NALCN: variants seen among roughly 807,000 people sequenced by gnomAD.
NALCN encodes the protein sodium leak channel NALCN.
In NALCN, 111 loss-of-function variants were observed where a neutral mutation model predicts 225.3. The observed-to-expected ratio is 0.49, with a 90% CI of 0.42 to 0.58. NALCN has a LOEUF of 0.58. Among genes scored for constraint, NALCN ranks in the 20% least tolerant of loss-of-function variants. The pLI, the probability that NALCN is intolerant of heterozygous loss-of-function variation, is 0.00. For synonymous variants in NALCN, 764 were observed against 769.0 expected, an observed-to-expected ratio of 0.99 and a Z score of 0.11; for missense variants, 1,378 against 2,202.4, an observed-to-expected ratio of 0.63 and a Z score of 7.49.
intron 30 of NALCN, among the ~76,000 whole-genome samples, chr13:101,088,982 C>G (rs2034074567): frequency 6.6e-6 from 1 of 150,968 alleles, no homozygotes; most frequent in South Asian, 2.1e-4. Context: ...ACTGCAACCT[C>G]TGCCTTCTAG....
intron 7 of NALCN, among the ~76,000 whole-genome samples, chr13:101,311,484 T>C (rs2139145760): frequency 6.7e-6 from 1 of 149,596 alleles, no homozygotes; most frequent in East Asian, 1.9e-4. Flanking sequence ...CAGTATGATA[T>C]TGGCTGTGGG....
chr13:101,255,799 AC>A (rs2042211326), intron 11 of NALCN, among the ~76,000 whole-genome samples: 2 of 152,108 alleles, frequency 1.3e-5, no homozygotes, highest in Admixed American at 1.3e-4. Flanking sequence ...TACATGAGTT[AC>A]CCCTGCAGCC....
rs768997103 is a variant in NALCN, at chr13:101,163,956, AC to A, written c.1839+12343del. Among the ~76,000 whole-genome samples, 17 of 152,228 alleles carry A rather than the reference AC, an allele frequency of 1.1e-4. No individual in the cohort carries two copies. In the South Asian group the frequency reaches 2.5e-3, roughly 22 times the overall value. ...CAATCCTGGGTGTTCCTTGTGGACC[AC>A]ATCACTCTGGTCTGTGGCTTCATCA... On this transcript the variant is annotated intron_variant, in intron 15 of 43. Transcript: ENST00000251127.
chr13:101,262,430 A>C (rs2042458746), intron 10 of NALCN, among the ~76,000 whole-genome samples: 1 of 152,148 alleles, frequency 6.6e-6, no homozygotes, highest in Non-Finnish European at 1.5e-5. Context: ...GAAAGAGGAG[A>C]GAGAAGCAGA....
chr13:101,407,753 G>C (rs937412786), intron 1 of NALCN, among the ~76,000 whole-genome samples: 21 of 152,300 alleles, frequency 1.4e-4, no homozygotes, highest in African/African-American at 4.6e-4. Context: ...GAGAGAAATG[G>C]TGAAGCATTT....
intron 13 of NALCN, among the ~76,000 whole-genome samples, chr13:101,210,038 A>C (rs1262850705): frequency 6.6e-6 from 1 of 152,220 alleles, no homozygotes; most frequent in Non-Finnish European, 1.5e-5. Context: ...GCAATACTGC[A>C]GACCTCCATC....
At chr13:101,086,195 C>T (rs1254907386) in intron 30 of NALCN, among the ~76,000 whole-genome samples, 1 of 151,730 alleles carries the variant, frequency 6.6e-6, no homozygotes, top group East Asian at 1.9e-4. Flanking sequence ...TAATTTGTGT[C>T]CTAATCTTTG....
At chr13:101,144,985 T>G in intron 15 of NALCN, 89 bp from the exon 16 acceptor site, 1 of 1,389,118 alleles carries the variant, frequency 7.2e-7, no homozygotes, top group South Asian at 1.7e-5. Context: ...ATGGAAGCAA[T>G]AAGTAATTAC....
intron 17 of NALCN, among the ~76,000 whole-genome samples, chr13:101,142,251 C>T (rs2037122679): frequency 6.9e-6 from 1 of 145,706 alleles, no homozygotes; most frequent in Non-Finnish European, 1.5e-5. Context: ...GAGTGATTCT[C>T]CTGCCTCAGC....
intron 14 of NALCN, among the ~76,000 whole-genome samples, chr13:101,184,455 A>G (rs1349529765): frequency 6.6e-6 from 1 of 152,124 alleles, no homozygotes; most frequent in Non-Finnish European, 1.5e-5. Flanking sequence ...AACAGCCCAG[A>G]TTCACCTCAG....
intron 25 of NALCN, among the ~76,000 whole-genome samples, chr13:101,103,590 G>A (rs751988135): frequency 1.2e-4 from 18 of 151,992 alleles, no homozygotes; most frequent in Non-Finnish European, 1.8e-4. Context: ...ACACCAGTGC[G>A]TTCTGCCTCT....
intron 15 of NALCN, among the ~76,000 whole-genome samples, chr13:101,149,595 G>A (rs145221473): frequency 2.6e-5 from 4 of 152,180 alleles, no homozygotes; most frequent in Non-Finnish European, 5.9e-5. Flanking sequence ...TGGTCATTGC[G>A]CTGTGAAACT....
intron 12 of NALCN, among the ~76,000 whole-genome samples, chr13:101,237,117 A>C (rs189372010): frequency 2.3e-3 from 346 of 151,988 alleles, no homozygotes; most frequent in African/African-American, 8.2e-3. Context: ...AATAACAAAG[A>C]ATGTAACTAA....
intron 28 of NALCN, among the ~76,000 whole-genome samples, chr13:101,093,536 C>T (rs955246448): frequency 1.3e-5 from 2 of 152,210 alleles, no homozygotes; most frequent in African/African-American, 4.8e-5. Context: ...CAAGGAATGC[C>T]TGGCTATTTG....
rs558595355 is a variant in NALCN at position 101,120,518 on chromosome 13, CT to C, written c.2192+4089del. ...CTACCCAATGGGGATCAATGCCAAA[CT>C]TAAAAAAAAAAAAAAACCACTATAA... On this transcript the variant is annotated intron_variant, in intron 18 of 43. Transcript: ENST00000251127. 6.7e-3 allele frequency among the ~76,000 whole-genome samples: 800 copies of C among 119,622 alleles called. 11 individuals are homozygous for C. The highest frequency in any genetic ancestry group is 0.035 in the African/African-American group (756 of 21,762). 78.5% of individuals were successfully genotyped at this position (119,622 alleles called of 152,430 possible).
chr13:101,269,312 AT>A (rs2042700770), intron 10 of NALCN, among the ~76,000 whole-genome samples: 1 of 151,696 alleles, frequency 6.6e-6, no homozygotes, highest in African/African-American at 2.4e-5. Context: ...TTCAACAATA[AT>A]TTTTGATATA....
intron 11 of NALCN, among the ~76,000 whole-genome samples, chr13:101,242,779 G>T (rs9518358): frequency 9.6e-6 from 1 of 103,940 alleles, no homozygotes; most frequent in Admixed American, 9.1e-5. Context: ...TAGTCCTTTT[G>T]TATATAAAAT....
chr13:101,272,269 T>C (rs1263435212), intron 10 of NALCN, among the ~76,000 whole-genome samples: 2 of 149,696 alleles, frequency 1.3e-5, no homozygotes, highest in Non-Finnish European at 2.9e-5. Flanking sequence ...ATGCATGCTG[T>C]GTTTTTGACT....
intron 6 of NALCN, among the ~76,000 whole-genome samples, chr13:101,374,620 C>T (rs1332480397): frequency 1.3e-5 from 2 of 152,084 alleles, no homozygotes; most frequent in African/African-American, 4.8e-5. Context: ...GTATGAGATG[C>T]ATGCCTTCTA....
Sources: allele counts gnomAD v4.1 joint callset (sites outside exome capture counted in the v4.1 genomes callset), GRCh38; gene constraint gnomAD v4.1.1; transcripts MANE v1.5; gene names NCBI Gene and HGNC (gene_info 2026-07-23, HGNC 2026-07-21).